MAP4K4: variants seen among roughly 807,000 people sequenced by gnomAD.
MAP4K4 encodes HPK/GCK-like kinase HGK.
In MAP4K4, 38 loss-of-function variants were observed where a neutral mutation model predicts 189.6. That is an observed-to-expected ratio of 0.20 (90% confidence interval 0.15 to 0.26). MAP4K4 has a LOEUF of 0.26. Ranked by LOEUF, MAP4K4 falls within the 10% of genes least tolerant of loss-of-function variation. The pLI, the probability that MAP4K4 is intolerant of heterozygous loss-of-function variation, is 1.00. For synonymous variants in MAP4K4, 610 were observed against 624.3 expected (o/e 0.98, Z 0.34); for missense variants, 1,054 against 1,726.9 (o/e 0.61, Z 6.91).
intron 2 of MAP4K4, among the ~76,000 whole-genome samples, chr2:101,713,455 G>A (rs2046714169): frequency 6.6e-6 from 1 of 151,960 alleles, no homozygotes; most frequent in African/African-American, 2.4e-5. Flanking sequence ...AATGAGCTGG[G>A]CACGGTGGCG....
intron 2 of MAP4K4, among the ~76,000 whole-genome samples, chr2:101,719,233 T>C (rs1244757533): frequency 6.6e-6 from 1 of 152,228 alleles, no homozygotes; most frequent in Non-Finnish European, 1.5e-5. Context: ...AGTGAAGTGC[T>C]ACTGTCTTCC....
chr2:101,700,084 GT>G (rs2037472340), intron 2 of MAP4K4, among the ~76,000 whole-genome samples: 1 of 152,164 alleles, frequency 6.6e-6, no homozygotes, highest in South Asian at 2.1e-4. Context: ...GCCAGAGCTT[GT>G]TTTTGACCTG....
intron 18 of MAP4K4, 111 bp from the exon 19 acceptor site, chr2:101,866,317 G>A (rs1049920022): frequency 2.5e-5 from 23 of 917,100 alleles, no homozygotes; most frequent in African/African-American, 3.3e-5. Flanking sequence ...ACTGTTTTTT[G>A]TCTCCCTACA....
chr2:101,827,843 A>G (rs2096431746), intron 5 of MAP4K4, among the ~76,000 whole-genome samples: 1 of 152,202 alleles, frequency 6.6e-6, no homozygotes, highest in Non-Finnish European at 1.5e-5. Context: ...GTGACCATGC[A>G]TGATACAGAG....
intron 3 of MAP4K4, among the ~76,000 whole-genome samples, chr2:101,791,946 TC>T (rs1436970046): frequency 1.3e-5 from 2 of 152,182 alleles, no homozygotes; most frequent in African/African-American, 4.8e-5. Context: ...GCCAAAAGAT[TC>T]TCCTTGACAT....
intron 2 of MAP4K4, among the ~76,000 whole-genome samples, chr2:101,746,018 T>C (rs1445157269): frequency 6.6e-6 from 1 of 151,330 alleles, no homozygotes; most frequent in South Asian, 2.1e-4. Flanking sequence ...TTTAAATAAG[T>C]TTCACTTTGT....
exon 28 of MAP4K4, chr2:101,882,666 A>G (rs1296906901): frequency 6.3e-7 from 1 of 1,599,796 alleles, no homozygotes; most frequent in South Asian, 1.1e-5. Context: ...ATTTGGAAGG[A>G]TGTGTACATT....
At chr2:101,741,177 T>C (rs1468944932) in intron 2 of MAP4K4, among the ~76,000 whole-genome samples, 2 of 148,818 alleles carry the variant, frequency 1.3e-5, no homozygotes, top group Non-Finnish European at 1.5e-5. Flanking sequence ...TTTTTTTTTT[T>C]TTTTTTTTGA....
At chr2:101,862,850 A>G (rs2097707156) in intron 16 of MAP4K4, among the ~76,000 whole-genome samples, 1 of 152,256 alleles carries the variant, frequency 6.6e-6, no homozygotes, top group Non-Finnish European at 1.5e-5. Flanking sequence ...CATACAATAG[A>G]ACTAATTTCA....
rs199820800 is a variant in MAP4K4, at chr2:101,815,220, T to C, written c.181-8708T>C. ...TTTTTTTAAATTATGATTATATTCT[T>C]CTATTGGTGGGAAAGTAGGAACAGA... is the stretch of plus-strand genomic sequence containing the variant. On this transcript the variant is annotated intron_variant, in intron 3 of 32. Coordinates refer to ENST00000324219, the Ensembl canonical transcript of MAP4K4. Among the ~76,000 whole-genome samples the C allele has an allele frequency of 9.8e-5, 15 of 152,322 alleles. No individual in the cohort carries two copies. In the East Asian group the frequency reaches 2.1e-3, roughly 22 times the overall value.
chr2:101,750,899 A>G (rs1052580219), intron 2 of MAP4K4, among the ~76,000 whole-genome samples: 23 of 151,744 alleles, frequency 1.5e-4, no homozygotes, highest in Admixed American at 6.6e-4. Context: ...ATGGGGGGTC[A>G]TCAAGATTGT....
At chr2:101,842,797 C>T in intron 11 of MAP4K4, 116 bp downstream of exon 11, 3 of 660,414 alleles carry the variant, frequency 4.5e-6, no homozygotes, top group South Asian at 2.5e-5. Context: ...ACTTAGACAG[C>T]ATCTTACTAT....
At chr2:101,838,949 C>T (rs1180735953) in intron 9 of MAP4K4, among the ~76,000 whole-genome samples, 1 of 152,148 alleles carries the variant, frequency 6.6e-6, no homozygotes, top group Non-Finnish European at 1.5e-5. Flanking sequence ...GATGTAGGAA[C>T]CAGTTTTTGA....
intron 2 of MAP4K4, among the ~76,000 whole-genome samples, chr2:101,772,874 T>C (rs2082165088): frequency 6.6e-6 from 1 of 152,184 alleles, no homozygotes; most frequent in African/African-American, 2.4e-5. Context: ...GCTCTGGAAG[T>C]TGGTAATGTT....
chr2:101,794,018 T>A (rs1405267956), intron 3 of MAP4K4, among the ~76,000 whole-genome samples: 1 of 152,216 alleles, frequency 6.6e-6, no homozygotes, highest in Non-Finnish European at 1.5e-5. Context: ...AAATTTTGTG[T>A]GTGAGTACTT....
intron 25 of MAP4K4, 141 bp from the exon 26 acceptor site, chr2:101,873,941 A>G (rs1249265056): frequency 6.1e-6 from 5 of 818,258 alleles, no homozygotes; most frequent in Admixed American, 2.8e-5. Flanking sequence ...TCCTTTTTCC[A>G]TATACATTGC....
intron 3 of MAP4K4, chr2:101,797,089 C>A: frequency 1.9e-6 from 1 of 533,288 alleles, no homozygotes; most frequent in Non-Finnish European, 2.9e-6. Flanking sequence ...CCAGTGATAA[C>A]ACAAGGCCAT....
chr2:101,785,192 A>C (rs1005571195), intron 2 of MAP4K4, among the ~76,000 whole-genome samples: 1 of 152,200 alleles, frequency 6.6e-6, no homozygotes, highest in Non-Finnish European at 1.5e-5. Flanking sequence ...AAACATCATA[A>C]ATTTTCCTTC....
At chr2:101,700,328 G>A (rs76136607) in intron 2 of MAP4K4, among the ~76,000 whole-genome samples, 1 of 152,220 alleles carries the variant, frequency 6.6e-6, no homozygotes, top group Non-Finnish European at 1.5e-5. Flanking sequence ...CAACCTTCCC[G>A]AGCTTTTGAA....
Sources: allele counts gnomAD v4.1 joint callset (sites outside exome capture counted in the v4.1 genomes callset), GRCh38; gene constraint gnomAD v4.1.1; transcripts MANE v1.5; gene names NCBI Gene and HGNC (gene_info 2026-07-23, HGNC 2026-07-21).